MACF1: variants seen among roughly 807,000 people sequenced by gnomAD.
MACF1 encodes the protein microtubule-actin cross-linking factor 1.
A neutral mutation model predicts 854.8 loss-of-function variants in MACF1; 193 were observed. The ratio of observed to expected loss-of-function variants is 0.23; its 90% CI spans 0.20 to 0.25. The LOEUF (loss-of-function observed/expected upper bound fraction) is 0.25. MACF1 is among the 10% of genes least tolerant of loss of function. The pLI is 1.00. For synonymous variants in MACF1, 3,185 were observed against 3,226.7 expected, an observed-to-expected ratio of 0.99 and a Z score of 0.44; for missense variants, 7,722 against 8,929.1, an observed-to-expected ratio of 0.86 and a Z score of 5.45.
In MACF1 at chr1:39,331,208, C is replaced by T; in HGVS notation, c.4620C>T (p.Cys1540=). The change falls in exon 37 of 101, where the codon TGC becomes TGT. Residue 1540 remains cysteine (C), a synonymous_variant. Transcript: ENST00000564288. ...QLAHQTEQKE[C]RAVAGVIDLG... ...TTTTTTTTTTTTTTTTTTAGGAATG[C>T]AGAGCAGTTGCTGGGGTGATTGACC... 3.4e-6 allele frequency: 4 copies of T among 1,178,146 alleles called. No individual in the cohort carries two copies. The highest frequency in any genetic ancestry group is 4.6e-6 in the Non-Finnish European group (4 of 868,608). The allele number at this position is 1,178,146 out of a possible 1,614,324, so 73.0% of individuals were successfully genotyped here.
chr1:39,224,191 C>CA (rs1557527487), intron 1 of MACF1, among the ~76,000 whole-genome samples: 1 of 152,098 alleles, frequency 6.6e-6, no homozygotes, highest in Admixed American at 6.5e-5. Context: ...TACTCCCCCC[C>CA]ATACACACAT....
At chr1:39,163,010 A>C (rs1000622372) in intron 2 of MACF1, among the ~76,000 whole-genome samples, 1 of 152,200 alleles carries the variant, frequency 6.6e-6, no homozygotes, top group Non-Finnish European at 1.5e-5. Flanking sequence ...TTATTTAAGC[A>C]TGCTTTTTGT....
At chr1:39,146,449 C>CAA (rs775912882) in intron 2 of MACF1, among the ~76,000 whole-genome samples, 6 of 93,058 alleles carry the variant, frequency 6.4e-5, no homozygotes, top group Non-Finnish European at 9.6e-5. Context: ...TCTCCTCTCC[C>CAA]AAAAAAAAAA....
intron 97 of MACF1, among the ~76,000 whole-genome samples, chr1:39,476,588 A>G (rs1644888128): frequency 6.6e-6 from 1 of 152,056 alleles, no homozygotes; most frequent in Non-Finnish European, 1.5e-5. Context: ...AAAAAGAAAG[A>G]AAGAAATTTA....
intron 58 of MACF1, among the ~76,000 whole-genome samples, chr1:39,391,234 G>A (rs1642024920): frequency 6.6e-6 from 1 of 151,964 alleles, no homozygotes; most frequent in African/African-American, 2.4e-5. Flanking sequence ...TTTAATGAGT[G>A]CAGGTTAACA....
chr1:39,410,333 A>T, intron 58 of MACF1: 2 of 1,613,690 alleles, frequency 1.2e-6, no homozygotes, highest in Non-Finnish European at 8.5e-7. Context: ...AAAGGAGAGG[A>T]GGAGGATGGC....
chr1:39,469,118 T>C (rs551429909), intron 96 of MACF1, among the ~76,000 whole-genome samples: 12 of 151,890 alleles, frequency 7.9e-5, no homozygotes, highest in African/African-American at 2.9e-4. Context: ...TCAGGGAGAG[T>C]GTTAGGCCCT....
intron 89 of MACF1, chr1:39,456,591 G>A (rs1644444404): frequency 6.6e-6 from 1 of 152,178 alleles, no homozygotes; most frequent in South Asian, 2.1e-4. Flanking sequence ...CCTTCCTGTG[G>A]GATGTACCTC....
At chr1:39,170,088 G>A (rs648697) in intron 2 of MACF1, among the ~76,000 whole-genome samples, 15,507 of 151,824 alleles carry the variant, frequency 0.1, 2,095 homozygotes, top group African/African-American at 0.31. Context: ...GCCTCTCCTT[G>A]CCCTTTAGTT....
intron 74 of MACF1, 114 bp from the exon 75 acceptor site, chr1:39,441,838 A>G (rs958403532): frequency 1.5e-5 from 11 of 749,714 alleles, no homozygotes; most frequent in Middle Eastern, 2.3e-4. Flanking sequence ...TGAAATCACA[A>G]ACAGCACAAG....
intron 2 of MACF1, among the ~76,000 whole-genome samples, chr1:39,108,264 C>T (rs894261737): frequency 2.0e-5 from 3 of 152,060 alleles, no homozygotes; most frequent in East Asian, 3.9e-4. Context: ...CCTTCATTTC[C>T]CCAATTCTCT....
intron 2 of MACF1, among the ~76,000 whole-genome samples, chr1:39,156,229 G>A (rs566221333): frequency 1.7e-4 from 26 of 151,758 alleles, no homozygotes; most frequent in East Asian, 1.4e-3. Context: ...GGCTGGTCTC[G>A]AACTCCTGAC....
rs1644333690 is a variant in MACF1, at chr1:39,451,085, G to A, written c.20292G>A (p.Ser6764=). The change falls in exon 85 of 101, where the codon TCG becomes TCA. Residue 6764 remains serine (S), a synonymous_variant. Coordinates refer to ENST00000564288, the MANE Select transcript of MACF1 (RefSeq NM_001394062.1). The stretch of plus-strand genomic sequence containing the variant: ...AGTTGGAGGAAGCCCTGCTCTTTTC[G>A]GGTCAGTTCATGGATGCTTTGCAGG... ...QHKLEEALLF[S]GQFMDALQAL... The A allele has an allele frequency of 1.2e-6, 2 of 1,614,056 alleles. No individual in the cohort carries two copies. Among genetic ancestry groups the A allele is most frequent in the East Asian group, 2.2e-5 (1 of 44,872 alleles).
chr1:39,327,196 G>A, intron 35 of MACF1, 22 bp from the exon 36 acceptor site: 2 of 1,541,746 alleles, frequency 1.3e-6, no homozygotes, highest in South Asian at 2.4e-5. Context: ...TCCTAAAAAA[G>A]CTTTAATGCT....
At chr1:39,127,929 C>G (rs1175090438) in intron 2 of MACF1, among the ~76,000 whole-genome samples, 2 of 152,002 alleles carry the variant, frequency 1.3e-5, no homozygotes, top group Non-Finnish European at 2.9e-5. Context: ...TGTATTATTA[C>G]AAAATTAAAC....
At position 39,372,158 on chromosome 1, in the gene MACF1, T is replaced by C. The variant is rs555813056; in HGVS notation, c.13096-321T>C. Among the ~76,000 whole-genome samples the C allele has an allele frequency of 3.0e-4, 45 of 152,308 alleles. No individual in the cohort carries two copies. The South Asian group carries it at 6.2e-3, about 21-fold the overall frequency. ...GAGCTTTCCTTCCTCTAGGCAGAATTAGATAGAACTCCTCTTATGCTCTTG... is the reference window on the plus strand; with the variant it reads ...GAGCTTTCCTTCCTCTAGGCAGAATCAGATAGAACTCCTCTTATGCTCTTG... On this transcript the variant is annotated intron_variant, in intron 51 of 100. Transcript: ENST00000564288.
intron 85 of MACF1, 127 bp downstream of exon 85, chr1:39,451,338 G>A: frequency 1.0e-6 from 1 of 991,876 alleles, no homozygotes; most frequent in African/African-American, 1.7e-5. Flanking sequence ...CAGTTGCTTT[G>A]TGTGTTTAAA....
chr1:39,268,490 C>A, intron 6 of MACF1: 1 of 1,150,216 alleles, frequency 8.7e-7, no homozygotes, highest in Non-Finnish European at 1.1e-6. Flanking sequence ...CTTGTTGCAG[C>A]TCTGAGCCTG....
At chr1:39,115,330 G>A (rs550437192) in intron 2 of MACF1, among the ~76,000 whole-genome samples, 4 of 152,248 alleles carry the variant, frequency 2.6e-5, no homozygotes, top group South Asian at 4.1e-4. Flanking sequence ...GGCAAATCAA[G>A]AAATGTGAAG....
Sources: allele counts gnomAD v4.1 joint callset (sites outside exome capture counted in the v4.1 genomes callset), GRCh38; gene constraint gnomAD v4.1.1; transcripts MANE v1.5; gene names NCBI Gene and HGNC (gene_info 2026-07-23, HGNC 2026-07-21).